The following ANKRD30BL variants were observed in gnomAD, a reference collection of about 807,000 sequenced individuals.
ANKRD30BL encodes putative ankyrin repeat domain-containing protein 30B-like.
ANKRD30BL carries 20 observed loss-of-function variants against 18.4 expected under a neutral mutation model. That is an observed-to-expected ratio of 1.09 (90% CI 0.77 to 1.58). ANKRD30BL has a LOEUF of 1.58. Ranked by LOEUF, ANKRD30BL falls within the 40% of genes most tolerant of loss-of-function variation. ANKRD30BL has a pLI of 0.00. For synonymous variants in ANKRD30BL, 72 were observed against 100.9 expected (o/e 0.71, Z 1.72); for missense variants, 224 against 268.6 (o/e 0.83, Z 1.16).
intron 1 of ANKRD30BL, among the ~76,000 whole-genome samples, chr2:132,207,917 G>A (rs1158841128): frequency 2.0e-5 from 3 of 152,114 alleles, no homozygotes; most frequent in Admixed American, 6.6e-5. Context: ...AGATCACAAC[G>A]GGGTCACCCT....
At chr2:132,231,102 C>G (rs1679997465) in intron 1 of ANKRD30BL, among the ~76,000 whole-genome samples, 1 of 151,856 alleles carries the variant, frequency 6.6e-6, no homozygotes, top group South Asian at 2.1e-4. Context: ...TTTGTGGAGT[C>G]TGCAAGTGAA....
upstream of ANKRD30BL, among the ~76,000 whole-genome samples, chr2:132,164,273 T>C (rs1173239702): frequency 2.2e-4 from 14 of 64,062 alleles, no homozygotes; most frequent in Admixed American, 1.0e-3. Context: ...CTTTTTCTTT[T>C]TTTTTTTTTT....
intron 1 of ANKRD30BL, among the ~76,000 whole-genome samples, chr2:132,201,452 A>G (rs1679095709): frequency 6.6e-6 from 1 of 152,228 alleles, no homozygotes; most frequent in Non-Finnish European, 1.5e-5. Context: ...TTTACAAGAA[A>G]AAAACAACCC....
intron 1 of ANKRD30BL, among the ~76,000 whole-genome samples, chr2:132,221,371 G>T (rs1239145646): frequency 1.4e-5 from 2 of 143,206 alleles, no homozygotes; most frequent in Admixed American, 6.7e-5. Flanking sequence ...AGGGGGGAGG[G>T]GGGGTCAGCC....
At chr2:132,163,808 A>G (rs1688135564), upstream of ANKRD30BL, among the ~76,000 whole-genome samples, 1 of 152,208 alleles carries the variant, frequency 6.6e-6, no homozygotes, top group Non-Finnish European at 1.5e-5. Flanking sequence ...TGGATCCTGG[A>G]TCATGAACAA....
intron 1 of ANKRD30BL, among the ~76,000 whole-genome samples, chr2:132,204,153 CA>C (rs996789938): frequency 4.6e-5 from 7 of 151,818 alleles, no homozygotes; most frequent in Non-Finnish European, 1.0e-4. Flanking sequence ...AGACAGAAAA[CA>C]AGTAAAAAAT....
chr2:132,221,947 C>A (rs1205830887), intron 1 of ANKRD30BL, among the ~76,000 whole-genome samples: 9 of 129,680 alleles, frequency 6.9e-5, no homozygotes, highest in East Asian at 2.4e-4. Flanking sequence ...TGGCCAGCCG[C>A]CCCGTCCGGG....
chr2:132,247,963 C>A lies in ANKRD30BL; in HGVS notation n.441+9566G>T, dbSNP rs568638632. Among the ~76,000 whole-genome samples the A allele has an allele frequency of 1.2e-3, 180 of 151,992 alleles. 2 individuals carry two copies. The highest frequency in any genetic ancestry group is 4.0e-3 in the African/African-American group (167 of 41,504). ...TTCACCTTAGTCCTCAAAGGGCTGA[C>A]AAATATCCCTTTACAGATTCTACAA... On this transcript the variant is annotated intron_variant and non_coding_transcript_variant, in intron 1 of 4. Transcript: ENST00000470729.
At chr2:132,160,443 A>C (rs1222845208) in intron 1 of ANKRD30BL, among the ~76,000 whole-genome samples, 1 of 67,418 alleles carries the variant, frequency 1.5e-5, no homozygotes, top group Non-Finnish European at 2.8e-5. Context: ...TTATTTATTT[A>C]TTATTATTAT....
chr2:132,232,846 T>C (rs1251370315), intron 1 of ANKRD30BL, among the ~76,000 whole-genome samples: 3 of 151,906 alleles, frequency 2.0e-5, no homozygotes, highest in Non-Finnish European at 4.4e-5. Context: ...GCCACAAAGA[T>C]ACTCCTCGAG....
At chr2:132,209,377 AC>A (rs1230482621) in intron 1 of ANKRD30BL, among the ~76,000 whole-genome samples, 18 of 152,240 alleles carry the variant, frequency 1.2e-4, no homozygotes, top group African/African-American at 4.3e-4. Context: ...ATTCTGAGAA[AC>A]TTCTTTGTGA....
At chr2:132,181,426 T>C (rs1289234497) in intron 1 of ANKRD30BL, among the ~76,000 whole-genome samples, 2 of 150,708 alleles carry the variant, frequency 1.3e-5, no homozygotes, top group Non-Finnish European at 2.9e-5. Flanking sequence ...TGAGTCGAGA[T>C]CATGCCACTG....
intron 1 of ANKRD30BL, among the ~76,000 whole-genome samples, chr2:132,253,774 C>T (rs971401503): frequency 2.0e-5 from 3 of 151,718 alleles, no homozygotes; most frequent in Non-Finnish European, 4.4e-5. Flanking sequence ...CACCAGAATG[C>T]GCTAGGTACC....
chr2:132,167,332 T>G (rs1244060676), intron 1 of ANKRD30BL, among the ~76,000 whole-genome samples: 1 of 131,472 alleles, frequency 7.6e-6, no homozygotes, highest in East Asian at 2.0e-4. Context: ...TTTATTTTAT[T>G]TTATTTTATT....
intron 1 of ANKRD30BL, among the ~76,000 whole-genome samples, chr2:132,214,583 G>C (rs1354887719): frequency 1.3e-5 from 2 of 151,878 alleles, no homozygotes; most frequent in Non-Finnish European, 2.9e-5. Flanking sequence ...CCTTCCTTTT[G>C]ATTAAGCATT....
chr2:132,172,711 CTT>C (rs36085588), intron 1 of ANKRD30BL, among the ~76,000 whole-genome samples: 5 of 143,452 alleles, frequency 3.5e-5, no homozygotes, highest in Non-Finnish European at 4.6e-5. Context: ...TTGAGGGTGA[CTT>C]TTTTTTTTTT....
At chr2:132,232,810 A>G (rs1028718208) in intron 1 of ANKRD30BL, among the ~76,000 whole-genome samples, 7 of 152,080 alleles carry the variant, frequency 4.6e-5, no homozygotes, top group Non-Finnish European at 1.0e-4. Context: ...GCAGGCCAAC[A>G]TTCAGATTCA....
intron 1 of ANKRD30BL, among the ~76,000 whole-genome samples, chr2:132,172,680 T>G (rs1369702357): frequency 6.6e-6 from 1 of 152,068 alleles, no homozygotes; most frequent in African/African-American, 2.4e-5. Context: ...CTCCCATTCT[T>G]TGAGTTGTTG....
At chr2:132,197,808 T>C (rs536147669) in intron 1 of ANKRD30BL, among the ~76,000 whole-genome samples, 1 of 152,098 alleles carries the variant, frequency 6.6e-6, no homozygotes, top group East Asian at 1.9e-4. Flanking sequence ...TGGATATTTT[T>C]ACTAAAATAA....
Sources: allele counts gnomAD v4.1 joint callset (sites outside exome capture counted in the v4.1 genomes callset), GRCh38; gene constraint gnomAD v4.1.1; transcripts MANE v1.5; gene names NCBI Gene and HGNC (gene_info 2026-07-23, HGNC 2026-07-21).